KIF26B: variants seen among roughly 807,000 people sequenced by gnomAD.
KIF26B encodes kinesin family member 26B.
KIF26B carries 63 observed loss-of-function variants against 151.2 expected under a neutral mutation model. That is an observed-to-expected ratio of 0.42 (90% CI 0.34 to 0.51). KIF26B has a LOEUF of 0.51. Among genes scored for constraint, KIF26B ranks in the 20% least tolerant of loss-of-function variants. The pLI, the probability that KIF26B is intolerant of heterozygous loss-of-function variation, is 0.07. For missense variants in KIF26B, 2,813 were observed against 2,913.6 expected (o/e 0.97, Z 0.79); for synonymous variants, 1,357 against 1,262.1 (o/e 1.08, Z -1.59).
intron 12 of KIF26B, among the ~76,000 whole-genome samples, chr1:245,693,735 T>A (rs1027942812): frequency 1.3e-5 from 2 of 152,166 alleles, no homozygotes; most frequent in Non-Finnish European, 2.9e-5. Context: ...GAGGGCACCA[T>A]GGTTTGCTCT....
intron 10 of KIF26B, 95 bp from the exon 11 acceptor site, chr1:245,684,138 C>T: frequency 1.5e-6 from 2 of 1,361,092 alleles, no homozygotes; most frequent in Non-Finnish European, 2.0e-6. Context: ...GACCACCACC[C>T]ACAACAAAAT....
chr1:245,364,278 G>A (rs935799511), intron 2 of KIF26B, among the ~76,000 whole-genome samples: 5 of 152,150 alleles, frequency 3.3e-5, no homozygotes, highest in African/African-American at 1.2e-4. Flanking sequence ...GAAAAGAGAA[G>A]AGGGGCCCTC....
chr1:245,178,009 G>T (rs776899096), intron 2 of KIF26B, among the ~76,000 whole-genome samples: 3 of 152,190 alleles, frequency 2.0e-5, no homozygotes, highest in Non-Finnish European at 2.9e-5. Context: ...ATGAGGCCAG[G>T]TTGTGCAGGT....
Position 245,605,422 on chromosome 1 carries a change from G to A in KIF26B, c.1558-2229G>A, listed in dbSNP as rs544892619. Among the ~76,000 whole-genome samples, 42 of 152,310 alleles carry A rather than the reference G, an allele frequency of 2.8e-4. 2 individuals are homozygous for A. In the East Asian group the frequency reaches 5.6e-3, roughly 20 times the overall value. On this transcript the variant is annotated intron_variant, in intron 6 of 14. Transcript: ENST00000407071. ...CCTGTGAAGCCGCAGCCACTGTGGT[G>A]ACCCGGGCAGTTAGAAATTGTGCTT...
Position 245,169,241 on chromosome 1 carries a change from C to G in KIF26B, c.465+12558C>G, listed in dbSNP as rs186143722. On this transcript the variant is annotated intron_variant, in intron 2 of 14. Transcript: ENST00000407071. ...CAGCAAACCCTCCATGCAAGCTTGC[C>G]TGTGTCCTCAGACATTCTACCCTTT... 7.5e-4 allele frequency among the ~76,000 whole-genome samples: 114 copies of G among 152,046 alleles called. No homozygotes were observed. In the East Asian group the frequency reaches 0.014, roughly 19 times the overall value.
At chr1:245,534,413 G>A (rs192779216) in intron 4 of KIF26B, among the ~76,000 whole-genome samples, 24 of 152,050 alleles carry the variant, frequency 1.6e-4, no homozygotes, top group East Asian at 9.7e-4. Flanking sequence ...TGCCTGCCTC[G>A]GCCTCCCAGA....
chr1:245,242,654 G>A (rs963229181), intron 2 of KIF26B, among the ~76,000 whole-genome samples: 3 of 151,842 alleles, frequency 2.0e-5, no homozygotes, highest in Admixed American at 6.6e-5. Context: ...TTTTTTGTTT[G>A]TTTGTTTGTT....
rs142894858 is a variant in KIF26B, at chr1:245,704,819, C to G, written c.*2213C>G. The G allele has an allele frequency of 2.0e-5, 3 of 152,280 alleles. No homozygotes were observed. In the East Asian group the frequency reaches 5.8e-4, roughly 29 times the overall value. 9.4% of individuals were successfully genotyped at this position (152,280 alleles called of 1,614,324 possible). ...AAGGGAAGCCAATCCTTCGAGTTTG[C>G]CATTGGGCTGCTGGTTGCTGGTTTC... On this transcript the variant is annotated 3_prime_UTR_variant, in exon 15 of 15. Coordinates refer to ENST00000407071, the MANE Select transcript of KIF26B (RefSeq NM_018012.4).
In KIF26B at chr1:245,707,022, C is replaced by T. The variant is rs937634276; in HGVS notation, c.*4416C>T. ...TAGTAATCTTCCTGACAAAATGACA[C>T]ATTTTAAAATTACAACCTGTTCATT... On this transcript the variant is annotated 3_prime_UTR_variant, in exon 15 of 15. Coordinates refer to ENST00000407071, the MANE Select transcript of KIF26B (RefSeq NM_018012.4). The T allele has an allele frequency of 6.6e-6, 1 of 152,188 alleles. No individual in the cohort carries two copies. The highest frequency in any genetic ancestry group is 2.4e-5 in the African/African-American group (1 of 41,446). 9.4% of individuals were successfully genotyped at this position (152,188 alleles called of 1,614,324 possible). A position where few individuals can be genotyped will look rare whatever the true frequency, so the allele number is the denominator to read the frequency against.
chr1:245,334,304 C>T (rs923678651), intron 2 of KIF26B, among the ~76,000 whole-genome samples: 14 of 152,174 alleles, frequency 9.2e-5, no homozygotes, highest in Admixed American at 4.6e-4. Flanking sequence ...ATTCCTAATG[C>T]GCAGGAATGT....
Position 245,540,903 on chromosome 1 carries a change from C to T in KIF26B, c.1303C>T (p.Leu435=), listed in dbSNP as rs1207512523. The change falls in exon 5 of 15, where the codon CTG becomes TTG. Residue 435 remains leucine (L), a synonymous_variant. Coordinates refer to ENST00000407071, the MANE Select transcript of KIF26B (RefSeq NM_018012.4). The surrounding 1 kb of genome is among the most constrained non-coding windows in gnomAD (Gnocchi z 4.6). ...QTSPPPAPPC[L]LRAVNKVKDT... ...CTCCCCTCCCCCAGCCCCACCCTGC[C>T]TGCTGAGGGCTGTCAACAAGGTGAA... is the stretch of plus-strand genomic sequence containing the variant. 6.2e-7 allele frequency: 1 copy of T among 1,613,882 alleles called. No homozygotes were observed. The highest frequency in any genetic ancestry group is 1.3e-5 in the African/African-American group (1 of 74,934).
At chr1:245,293,699 C>T (rs976775812) in intron 2 of KIF26B, among the ~76,000 whole-genome samples, 1 of 151,970 alleles carries the variant, frequency 6.6e-6, no homozygotes, top group Non-Finnish European at 1.5e-5. Context: ...CTGCCTTAGC[C>T]TCCTGAGTAG....
At chr1:245,694,402 A>G (rs1415863577) in intron 12 of KIF26B, among the ~76,000 whole-genome samples, 10 of 152,192 alleles carry the variant, frequency 6.6e-5, no homozygotes, top group Non-Finnish European at 2.9e-5. Context: ...TGGGCGATGG[A>G]GCGAAAGCCA....
chr1:245,360,438 C>T (rs1672791847), intron 2 of KIF26B, among the ~76,000 whole-genome samples: 1 of 152,170 alleles, frequency 6.6e-6, no homozygotes, highest in South Asian at 2.1e-4. Flanking sequence ...ATAATAATTA[C>T]TACCACTTAT....
intron 12 of KIF26B, among the ~76,000 whole-genome samples, chr1:245,691,653 A>T (rs1165455667): frequency 1.3e-5 from 2 of 152,210 alleles, no homozygotes; most frequent in Admixed American, 6.5e-5. Flanking sequence ...CAATTATGAG[A>T]GGTGTTTGGA....
At chr1:245,425,320 A>G (rs1658617062) in intron 4 of KIF26B, among the ~76,000 whole-genome samples, 1 of 152,228 alleles carries the variant, frequency 6.6e-6, no homozygotes, top group African/African-American at 2.4e-5. Context: ...CATAGAATTG[A>G]ACCCTGAAAC....
chr1:245,643,112 AT>A (rs2043911119), intron 9 of KIF26B, among the ~76,000 whole-genome samples: 1 of 152,108 alleles, frequency 6.6e-6, no homozygotes, highest in Non-Finnish European at 1.5e-5. Flanking sequence ...GTTTATTTCT[AT>A]TTGAAGTGTA....
chr1:245,171,500 C>T (rs184561862), intron 2 of KIF26B, among the ~76,000 whole-genome samples: 27 of 152,080 alleles, frequency 1.8e-4, no homozygotes, highest in Admixed American at 3.9e-4. Context: ...GCTGAGATCG[C>T]GCCATTGCAC....
At chr1:245,445,434 G>A (rs984866581) in intron 4 of KIF26B, among the ~76,000 whole-genome samples, 4 of 152,160 alleles carry the variant, frequency 2.6e-5, no homozygotes, top group African/African-American at 9.7e-5. Flanking sequence ...TATGATTATG[G>A]GACTTTTGTC....
Sources: allele counts gnomAD v4.1 joint callset (sites outside exome capture counted in the v4.1 genomes callset), GRCh38; gene constraint gnomAD v4.1.1; non-coding constraint Gnocchi (gnomAD v3.1); transcripts MANE v1.5; gene names NCBI Gene and HGNC (gene_info 2026-07-23, HGNC 2026-07-21).